SCFD2: variants seen among roughly 807,000 people sequenced by gnomAD.
SCFD2 encodes the protein sec1 family domain-containing protein 2.
SCFD2 carries 54 observed loss-of-function variants against 58.9 expected under a neutral mutation model. The observed-to-expected ratio is 0.92, with a 90% CI of 0.74 to 1.15. The LOEUF (loss-of-function observed/expected upper bound fraction) is 1.15. SCFD2 is among the 50% of genes most tolerant of loss of function. The pLI is 0.00. For missense variants in SCFD2, 805 were observed against 836.6 expected, an observed-to-expected ratio of 0.96 and a Z score of 0.47; for synonymous variants, 321 against 335.9, an observed-to-expected ratio of 0.96 and a Z score of 0.49.
intron 7 of SCFD2, among the ~76,000 whole-genome samples, chr4:52,896,612 T>C (rs1318980060): frequency 6.6e-6 from 1 of 152,218 alleles, no homozygotes; most frequent in Non-Finnish European, 1.5e-5. Context: ...CCAGCTTTGT[T>C]CTTTTGGCTT....
At chr4:52,877,019 G>A (rs1209423749) in intron 8 of SCFD2, among the ~76,000 whole-genome samples, 1 of 152,152 alleles carries the variant, frequency 6.6e-6, no homozygotes, top group Non-Finnish European at 1.5e-5. Context: ...GCTAGGGTAC[G>A]TCTCCATCCC....
intron 4 of SCFD2, among the ~76,000 whole-genome samples, chr4:53,235,412 G>C (rs964963403): frequency 1.3e-5 from 2 of 152,184 alleles, no homozygotes; most frequent in African/African-American, 4.8e-5. Flanking sequence ...CAATTCCCAT[G>C]AGTGGGAAGT....
intron 4 of SCFD2, among the ~76,000 whole-genome samples, chr4:53,146,293 G>A (rs536322442): frequency 2.0e-4 from 30 of 152,128 alleles, no homozygotes; most frequent in Non-Finnish European, 3.2e-4. Flanking sequence ...TGGAGTAACT[G>A]TGTAAGTTCC....
intron 3 of SCFD2, among the ~76,000 whole-genome samples, chr4:53,286,786 T>G (rs1275531380): frequency 2.0e-5 from 3 of 152,140 alleles, no homozygotes; most frequent in African/African-American, 7.2e-5. Flanking sequence ...GAGTCATTGT[T>G]GCCCTTCTCC....
chr4:53,122,929 T>A (rs1339281535), intron 5 of SCFD2, among the ~76,000 whole-genome samples: 2 of 152,076 alleles, frequency 1.3e-5, no homozygotes, highest in African/African-American at 4.8e-5. Flanking sequence ...ATTTTATATT[T>A]TTAACATAAT....
At chr4:53,323,736 T>C (rs1039329907) in intron 2 of SCFD2, among the ~76,000 whole-genome samples, 1 of 151,950 alleles carries the variant, frequency 6.6e-6, no homozygotes, top group Admixed American at 6.6e-5. Flanking sequence ...GCATTTTCAA[T>C]ATAGTAAGAT....
At chr4:52,990,018 G>A (rs947965140) in intron 5 of SCFD2, among the ~76,000 whole-genome samples, 5 of 152,096 alleles carry the variant, frequency 3.3e-5, no homozygotes, top group Non-Finnish European at 7.4e-5. Context: ...TAGGCTCGAG[G>A]CAATCTATCA....
At chr4:52,986,394 T>C (rs958161478) in intron 5 of SCFD2, among the ~76,000 whole-genome samples, 3 of 151,640 alleles carry the variant, frequency 2.0e-5, no homozygotes, top group African/African-American at 4.9e-5. Flanking sequence ...TAGAAGTCAA[T>C]AAGTATTCTC....
intron 4 of SCFD2, among the ~76,000 whole-genome samples, chr4:53,203,586 T>C (rs1728319152): frequency 1.3e-5 from 2 of 151,960 alleles, no homozygotes; most frequent in African/African-American, 4.8e-5. Flanking sequence ...TAAAATAAAC[T>C]TGAAGGAGAT....
chr4:53,096,335 C>A (rs1724632881), intron 5 of SCFD2, among the ~76,000 whole-genome samples: 1 of 152,216 alleles, frequency 6.6e-6, no homozygotes, highest in South Asian at 2.1e-4. Flanking sequence ...GTCCCACCAA[C>A]AGTGTCAAAG....
intron 4 of SCFD2, among the ~76,000 whole-genome samples, chr4:53,272,177 T>C (rs1731190045): frequency 1.3e-5 from 2 of 152,180 alleles, no homozygotes; most frequent in Admixed American, 6.5e-5. Context: ...CCAGTTAGAA[T>C]GGCGATCATT....
intron 4 of SCFD2, among the ~76,000 whole-genome samples, chr4:53,227,837 T>C (rs1729272741): frequency 6.6e-6 from 1 of 152,250 alleles, no homozygotes; most frequent in African/African-American, 2.4e-5. Context: ...TTCTGATAAA[T>C]GTATGTACAG....
rs575120506 is a variant in SCFD2, at chr4:53,228,801, C to T, written c.1311+45025G>A. Among the ~76,000 whole-genome samples, 18 of 152,128 alleles carry T rather than the reference C, an allele frequency of 1.2e-4. 1 individual carries two copies. In the South Asian group the frequency reaches 2.5e-3, roughly 21 times the overall value. ...TCAGGCAGGAGAAGGAAATAAAGGG[C>T]ATTCAATTAGGAAAAGAGGAATTCA... On this transcript the variant is annotated intron_variant, in intron 4 of 8. Transcript: ENST00000401642.
Position 53,145,565 on chromosome 4 carries a change from T to C in SCFD2, c.1329A>G (p.Ala443=), listed in dbSNP as rs1374083674. ...GCAGCTGATTTAACACAACGGACAT[T>C]GCTGACTCCCCAATGCTCTAAAATA... ...RLLLQSIGES[A]MSVVLNQLLP... is the part of the protein sequence containing the mutation. The change falls in exon 5 of 9, where the codon GCA becomes GCG. Residue 443 remains alanine (A), a synonymous_variant. Transcript: ENST00000401642. The C allele has an allele frequency of 1.2e-6, 2 of 1,613,858 alleles. No individual in the cohort carries two copies. Among genetic ancestry groups the C allele is most frequent in the Admixed American group, 3.3e-5 (2 of 59,964 alleles).
Position 52,873,095 on chromosome 4 carries a change from G to C in SCFD2, c.*874C>G, listed in dbSNP as rs7677726. 2 of 152,142 alleles carry C rather than the reference G, an allele frequency of 1.3e-5. No homozygotes were observed. The highest frequency in any genetic ancestry group is 2.9e-5 in the Non-Finnish European group (2 of 68,022). The allele number at this position is 152,142 out of a possible 1,614,324, so 9.4% of individuals were successfully genotyped here. A position where few individuals can be genotyped will look rare whatever the true frequency, so the allele number is the denominator to read the frequency against. On this transcript the variant is annotated 3_prime_UTR_variant, in exon 9 of 9. Coordinates refer to ENST00000401642, the MANE Select transcript of SCFD2 (RefSeq NM_152540.4). The stretch of plus-strand genomic sequence containing the variant: ...GTTTTTGCCCTGGAGTTCTTACAAA[G>C]TTTCACTAGGTGGGTCTAGGTTTTT...
intron 4 of SCFD2, among the ~76,000 whole-genome samples, chr4:53,183,759 C>A (rs1322291486): frequency 6.6e-6 from 1 of 152,018 alleles, no homozygotes; most frequent in Non-Finnish European, 1.5e-5. Context: ...ATCTTTCTTA[C>A]ATTTTGGCTA....
At chr4:53,274,551 C>T (rs1731272066) in intron 3 of SCFD2, among the ~76,000 whole-genome samples, 1 of 152,178 alleles carries the variant, frequency 6.6e-6, no homozygotes, top group African/African-American at 2.4e-5. Context: ...TGCAAAACCA[C>T]TGGAAGAGGA....
At chr4:52,922,273 C>G (rs1719758067) in intron 5 of SCFD2, among the ~76,000 whole-genome samples, 1 of 152,070 alleles carries the variant, frequency 6.6e-6, no homozygotes, top group Non-Finnish European at 1.5e-5. Context: ...GTTTAACAAC[C>G]ATCATCACCA....
chr4:53,183,437 G>A (rs1727642906), intron 4 of SCFD2, among the ~76,000 whole-genome samples: 1 of 152,004 alleles, frequency 6.6e-6, no homozygotes, highest in African/African-American at 2.4e-5. Context: ...CTCACTCATA[G>A]GTGGGAACTG....
Sources: gnomAD v4.1 joint callset for allele counts (sites outside exome capture counted in the v4.1 genomes callset) on GRCh38, gnomAD v4.1.1 for gene constraint, MANE v1.5 for transcripts, NCBI Gene and HGNC (gene_info 2026-07-23, HGNC 2026-07-21) for gene names.